The following DDX31 variants were observed in gnomAD, a reference collection of about 807,000 sequenced individuals.
The protein encoded by DDX31 is ATP-dependent DNA helicase DDX31.
In DDX31, 70 loss-of-function variants were observed where a neutral mutation model predicts 91.3. The observed-to-expected ratio is 0.77, with a 90% CI of 0.63 to 0.94. The LOEUF (loss-of-function observed/expected upper bound fraction) is 0.94. Among genes scored for constraint, DDX31 ranks in the 40% least tolerant of loss-of-function variants. The probability of loss-of-function intolerance (pLI) is 0.00; values close to 1 mark genes in which losing one functional copy is unlikely to be tolerated. For synonymous variants in DDX31, 362 were observed against 350.6 expected (o/e 1.03, Z -0.36); for missense variants, 902 against 925.0 (o/e 0.98, Z 0.32).
chr9:132,632,693 G>T (rs1458906855), intron 14 of DDX31, among the ~76,000 whole-genome samples: 1 of 152,088 alleles, frequency 6.6e-6, no homozygotes, highest in African/African-American at 2.4e-5. Context: ...TCTGGCCTCA[G>T]AGAGCAGCAA....
Position 132,662,659 on chromosome 9 carries a change from T to G in DDX31, c.112A>C (p.Ser38Arg), listed in dbSNP as rs1359374555. 6.2e-7 allele frequency: 1 copy of G among 1,614,210 alleles called. No individual in the cohort carries two copies. The highest frequency in any genetic ancestry group is 1.1e-5 in the South Asian group (1 of 91,080). The change falls in exon 2 of 20, where the codon AGT becomes CGT. Residue 38 changes from serine (S) to arginine (R), a missense_variant. By Grantham distance (110) the Ser-to-Arg change is moderately radical. Coordinates refer to ENST00000372159, the MANE Select transcript of DDX31 (RefSeq NM_022779.9). ...KATKRKYQAS[S>R]EAPPAKRRNE... Reference sequence around the variant, plus strand: ...CTCCGTTTCGCTGGGGGAGCCTCACTGGACGCTTGGTATTTTCTTTTCGTA... The same window carrying G: ...CTCCGTTTCGCTGGGGGAGCCTCACGGGACGCTTGGTATTTTCTTTTCGTA...
rs780897840 is a variant in DDX31, at chr9:132,595,030, C to T, written c.2077G>A (p.Asp693Asn). The change falls in exon 20 of 20, where the codon GAC (aspartate) becomes AAC (asparagine). Residue 693 changes from aspartate to asparagine, a missense_variant. Coordinates refer to ENST00000372159, the MANE Select transcript of DDX31 (RefSeq NM_022779.9). This position sits in a 1 kb window ranked among gnomAD's most constrained non-coding sequence, Gnocchi z 4.6. ...RSEYSSGMEA[D>N]IAKVKKQNAP... ...TTTTGCTTTTTGACCTTGGCGATGT[C>T]GGCCTCCATGCCGCTTGAGTATTCC... is the stretch of plus-strand genomic sequence containing the variant. 23 of 1,614,100 alleles carry T rather than the reference C, an allele frequency of 1.4e-5. No individual in the cohort carries two copies. Among genetic ancestry groups the T allele is most frequent in the Middle Eastern group, 3.3e-4 (2 of 6,082 alleles).
intron 17 of DDX31, among the ~76,000 whole-genome samples, chr9:132,621,334 AC>A (rs1306288554): frequency 6.6e-6 from 1 of 152,158 alleles, no homozygotes; most frequent in African/African-American, 2.4e-5. Context: ...GCTGAGTTTT[AC>A]CCCCATGGTC....
chr9:132,647,419 A>T (rs2130773038), intron 11 of DDX31, among the ~76,000 whole-genome samples: 1 of 152,250 alleles, frequency 6.6e-6, no homozygotes, highest in South Asian at 2.1e-4. Context: ...CAGCCCTCTC[A>T]GGGCCTTTAT....
chr9:132,635,452 T>C (rs1350147258), intron 14 of DDX31, among the ~76,000 whole-genome samples: 3 of 142,108 alleles, frequency 2.1e-5, no homozygotes, highest in Non-Finnish European at 4.7e-5. Flanking sequence ...CATATGTACA[T>C]AGCTTTTTTT....
In DDX31 at chr9:132,592,999, GAAGAGA is replaced by G. The variant is rs1346655425; in HGVS notation, c.*1861_*1866del. 2 of 152,162 alleles carry G rather than the reference GAAGAGA, an allele frequency of 1.3e-5. No homozygotes were observed. The highest frequency in any genetic ancestry group is 4.8e-5 in the African/African-American group (2 of 41,440). 9.4% of individuals were successfully genotyped at this position (152,162 alleles called of 1,614,324 possible). ...GTATAATCTGTCAAGAGCCATAATAGAAGAGAAAGAGATTTATTTTAAGGTTATTTA... is the reference window on the plus strand; with the variant it reads ...GTATAATCTGTCAAGAGCCATAATAGAAGAGATTTATTTTAAGGTTATTTA... On this transcript the variant is annotated 3_prime_UTR_variant, in exon 20 of 20. Coordinates refer to ENST00000372159, the MANE Select transcript of DDX31 (RefSeq NM_022779.9).
At chr9:132,600,617 T>C (rs1830674394) in intron 19 of DDX31, among the ~76,000 whole-genome samples, 2 of 152,134 alleles carry the variant, frequency 1.3e-5, no homozygotes, top group Admixed American at 6.5e-5. Flanking sequence ...AGATCATATT[T>C]AGATATGGCC....
intron 17 of DDX31, among the ~76,000 whole-genome samples, chr9:132,622,748 A>G (rs1413893894): frequency 6.6e-6 from 1 of 152,244 alleles, no homozygotes; most frequent in African/African-American, 2.4e-5. Flanking sequence ...GGGCACTGGG[A>G]TTCATGTCCC....
chr9:132,599,712 T>C (rs1209984819), intron 19 of DDX31, among the ~76,000 whole-genome samples: 1 of 152,240 alleles, frequency 6.6e-6, no homozygotes, highest in African/African-American at 2.4e-5. Flanking sequence ...TGTAGTACAA[T>C]TAAAACATAG....
Position 132,612,096 on chromosome 9 carries a change from T to G in DDX31, c.1985A>C (p.His662Pro). 1 of 1,613,608 alleles carries G rather than the reference T, an allele frequency of 6.2e-7. No individual in the cohort carries two copies. Among genetic ancestry groups the G allele is most frequent in the Non-Finnish European group, 8.5e-7 (1 of 1,179,502 alleles). Residue 662 changes from histidine to proline, a missense_variant, in exon 19 of 20, where the codon CAC (histidine) becomes CCC (proline). His to Pro is a moderately conservative substitution (Grantham distance 77). Coordinates refer to ENST00000372159, the MANE Select transcript of DDX31 (RefSeq NM_022779.9). ...SALTRKKRKA[H>P]VKRPDLHKKT... is the part of the protein sequence containing the mutation. ...ATTCAGCTCATCTTACCTTTTCACG[T>G]GTGCTTTCCTCTTCTTTCTAGTCAA...
At chr9:132,615,408 C>T (rs1444941397) in intron 18 of DDX31, among the ~76,000 whole-genome samples, 1 of 152,154 alleles carries the variant, frequency 6.6e-6, no homozygotes, top group African/African-American at 2.4e-5. Context: ...CACGCATCTT[C>T]AAGACCACCC....
Position 132,594,850 on chromosome 9 carries a change from A to G in DDX31, c.*16T>C, listed in dbSNP as rs757778902. On this transcript the variant is annotated 3_prime_UTR_variant, in exon 20 of 20. Coordinates refer to ENST00000372159, the MANE Select transcript of DDX31 (RefSeq NM_022779.9). ...ACCCGGGGCTTCCAGGTTCCACTCG[A>G]AGACCCAGAGAGATTTTAAACTTTC... 6.2e-7 allele frequency: 1 copy of G among 1,609,030 alleles called. No homozygotes were observed.
chr9:132,634,609 T>TTA (rs1832995386), intron 14 of DDX31, among the ~76,000 whole-genome samples: 1 of 127,726 alleles, frequency 7.8e-6, no homozygotes. Context: ...TTTTTTTTTT[T>TTA]AAAGATGGGG....
At chr9:132,608,855 G>C (rs1042848998) in intron 19 of DDX31, among the ~76,000 whole-genome samples, 1 of 152,150 alleles carries the variant, frequency 6.6e-6, no homozygotes, top group African/African-American at 2.4e-5. Flanking sequence ...TCAAAAAGCA[G>C]CAACTGGCAT....
intron 7 of DDX31, 134 bp downstream of exon 7, chr9:132,652,314 G>A: frequency 1.0e-6 from 1 of 958,636 alleles, no homozygotes; most frequent in Non-Finnish European, 1.6e-6. Context: ...CCAGAAGGAT[G>A]GTTTCCAGGC....
chr9:132,663,401 CGAGTCTCT>C, intron 1 of DDX31: 1 of 985,346 alleles, frequency 1.0e-6, no homozygotes, highest in Non-Finnish European at 1.2e-6. Flanking sequence ...TCTGAGTCCC[CGAGTCTCT>C]GCCTGATTGC....
At chr9:132,631,227 T>A (rs1832699626) in intron 15 of DDX31, among the ~76,000 whole-genome samples, 1 of 152,232 alleles carries the variant, frequency 6.6e-6, no homozygotes, top group Admixed American at 6.5e-5. Flanking sequence ...AAGGTCAATA[T>A]AATGTATGGG....
chr9:132,643,630 A>G lies in DDX31; in HGVS notation c.1381-1567T>C, dbSNP rs1833636837. On this transcript the variant is annotated intron_variant, in intron 13 of 19. Coordinates refer to ENST00000372159, the MANE Select transcript of DDX31 (RefSeq NM_022779.9). ...ATGTGTAAGTACTATCATCACCCCC[A>G]TTTTCCAGAAGAAAAAAACTGAGGC... Among the ~76,000 whole-genome samples the G allele has an allele frequency of 2.0e-5, 3 of 152,066 alleles. No individual in the cohort carries two copies. The South Asian group carries it at 6.2e-4, about 32-fold the overall frequency.
intron 14 of DDX31, among the ~76,000 whole-genome samples, chr9:132,632,793 T>C (rs1416042590): frequency 1.3e-5 from 2 of 152,208 alleles, no homozygotes; most frequent in Non-Finnish European, 2.9e-5. Context: ...TTTAGCTAGA[T>C]AGCTGAAAAA....
Sources: gnomAD v4.1 joint callset for allele counts (sites outside exome capture counted in the v4.1 genomes callset) on GRCh38, gnomAD v4.1.1 for gene constraint, Gnocchi (gnomAD v3.1) non-coding constraint, MANE v1.5 for transcripts, NCBI Gene and HGNC (gene_info 2026-07-23, HGNC 2026-07-21) for gene names.